The following GOLGA8B variants were observed in gnomAD, a reference collection of about 807,000 sequenced individuals.
GOLGA8B encodes golgin subfamily A member 8B.
Under a neutral mutation model 15.6 loss-of-function variants are expected in GOLGA8B, and 1 was observed. The ratio of observed to expected loss-of-function variants is 0.06; its 90% CI spans 0.02 to 0.30. The LOEUF is 0.30. Ranked by LOEUF, GOLGA8B falls within the 10% of genes least tolerant of loss-of-function variation. The probability of loss-of-function intolerance (pLI) is 1.00; values close to 1 mark genes in which losing one functional copy is unlikely to be tolerated. For missense variants in GOLGA8B, 17 were observed against 201.3 expected (o/e 0.08, Z 5.54); for synonymous variants, 9 against 80.3 (o/e 0.11, Z 4.75).
chr15:34,580,934 T>G (rs1346814805), intron 1 of GOLGA8B, among the ~76,000 whole-genome samples: 1 of 152,146 alleles, frequency 6.6e-6, no homozygotes, highest in East Asian at 1.9e-4. Flanking sequence ...GGTGAGGAAC[T>G]GAGACTGGGT....
intron 1 of GOLGA8B, among the ~76,000 whole-genome samples, chr15:34,567,381 G>C (rs573659991): frequency 6.6e-6 from 1 of 151,238 alleles, no homozygotes; most frequent in South Asian, 2.1e-4. Flanking sequence ...CACTTCCTTG[G>C]GCTGTGGCTG....
At position 34,526,026 on chromosome 15, in the gene GOLGA8B, T is replaced by A. The variant is rs1042816837; in HGVS notation, c.*1606A>T. 1.3e-5 allele frequency: 2 copies of A among 149,552 alleles called. No individual in the cohort carries two copies. Among genetic ancestry groups the A allele is most frequent in the African/African-American group, 5.0e-5 (2 of 40,384 alleles). The allele number at this position is 149,552 out of a possible 1,614,324, so 9.3% of individuals were successfully genotyped here. ...GATTCTTTCCCAAGCATCATCAAGT[T>A]ATGATTTAGGCAATGTATGATTGAA... On this transcript the variant is annotated 3_prime_UTR_variant, in exon 24 of 24. Coordinates refer to ENST00000683415, the MANE Select transcript of GOLGA8B (RefSeq NM_001023567.5).
intron 1 of GOLGA8B, among the ~76,000 whole-genome samples, chr15:34,575,452 A>G (rs954812571): frequency 6.6e-6 from 1 of 151,792 alleles, no homozygotes; most frequent in African/African-American, 2.4e-5. Context: ...TTGGTAAAAT[A>G]TGTGTTGTTA....
rs143150720 is a variant in GOLGA8B at position 34,569,554 on chromosome 15, C to T, written c.-1123+13962G>A. Among the ~76,000 whole-genome samples the T allele has an allele frequency of 7.8e-4, 119 of 151,776 alleles. No homozygotes were observed. The Middle Eastern group carries it at 0.01, about 13-fold the overall frequency. On this transcript the variant is annotated intron_variant, in intron 1 of 23. Coordinates refer to ENST00000683415, the MANE Select transcript of GOLGA8B (RefSeq NM_001023567.5). Reference sequence around the variant, plus strand: ...CACCCACCCATCAGTCCCAAGTCCCCGAGCATCAGTACCTTCATGCAAAAG... The same window carrying T: ...CACCCACCCATCAGTCCCAAGTCCCTGAGCATCAGTACCTTCATGCAAAAG...
intron 1 of GOLGA8B, among the ~76,000 whole-genome samples, chr15:34,572,904 G>C (rs28629906): frequency 0.39 from 58,408 of 150,896 alleles, 10,760 homozygotes; most frequent in Admixed American, 0.47. Context: ...AAAAATGGCA[G>C]CTTTCTTCTC....
chr15:34,556,348 CT>C, intron 1 of GOLGA8B: 1 of 472,942 alleles, frequency 2.1e-6, no homozygotes, highest in East Asian at 4.3e-5. Flanking sequence ...CAGGACTACC[CT>C]GATGGCCAAC....
chr15:34,564,833 C>G (rs1277916088), intron 1 of GOLGA8B, among the ~76,000 whole-genome samples: 1 of 144,122 alleles, frequency 6.9e-6, no homozygotes, highest in Admixed American at 6.8e-5. Context: ...GGAGGACTTC[C>G]TGTGTCATGC....
intron 1 of GOLGA8B, among the ~76,000 whole-genome samples, chr15:34,566,739 C>G (rs988121706): frequency 3.6e-5 from 5 of 140,458 alleles, no homozygotes; most frequent in Non-Finnish European, 6.4e-5. Context: ...CCTGCACTCA[C>G]GGGTCACTGC....
intron 1 of GOLGA8B, among the ~76,000 whole-genome samples, chr15:34,576,305 C>A (rs1300724011): frequency 6.6e-6 from 1 of 152,184 alleles, no homozygotes; most frequent in Admixed American, 6.5e-5. Flanking sequence ...GTCCTCAGTG[C>A]TGATTAAGCA....
chr15:34,577,806 C>A (rs1889123013), intron 1 of GOLGA8B, among the ~76,000 whole-genome samples: 1 of 152,182 alleles, frequency 6.6e-6, no homozygotes, highest in South Asian at 2.1e-4. Flanking sequence ...GTGCCCCTGT[C>A]TAGGGCACTT....
At chr15:34,559,362 T>A (rs1888565074) in intron 1 of GOLGA8B, among the ~76,000 whole-genome samples, 1 of 145,522 alleles carries the variant, frequency 6.9e-6, no homozygotes, top group Non-Finnish European at 1.5e-5. Flanking sequence ...AGTGTGAATG[T>A]ACTTAATGCC....
intron 1 of GOLGA8B, among the ~76,000 whole-genome samples, chr15:34,577,392 T>C (rs1205696930): frequency 6.6e-6 from 1 of 152,050 alleles, no homozygotes; most frequent in Non-Finnish European, 1.5e-5. Flanking sequence ...ACGATACTTG[T>C]TTATTAAATT....
At chr15:34,569,401 A>T (rs974866268) in intron 1 of GOLGA8B, among the ~76,000 whole-genome samples, 16 of 151,742 alleles carry the variant, frequency 1.1e-4, no homozygotes, top group Non-Finnish European at 1.9e-4. Flanking sequence ...GGCCTGGATC[A>T]CCTTCCTGGA....
intron 7 of GOLGA8B, among the ~76,000 whole-genome samples, chr15:34,542,938 C>CT (rs1341227486): frequency 9.8e-6 from 1 of 102,440 alleles, no homozygotes; most frequent in Non-Finnish European, 1.9e-5. Context: ...TTCCATTTCT[C>CT]TCACTTTCCA....
chr15:34,569,141 C>T (rs1595708790), intron 1 of GOLGA8B, among the ~76,000 whole-genome samples: 1 of 146,480 alleles, frequency 6.8e-6, no homozygotes. Context: ...CTGTGACACG[C>T]TGGCCGAGCT....
intron 1 of GOLGA8B, among the ~76,000 whole-genome samples, chr15:34,577,106 A>G: frequency 6.6e-6 from 1 of 151,914 alleles, no homozygotes. Flanking sequence ...AGTTCCTAAC[A>G]CATGCCTGGC....
At chr15:34,554,077 C>T (rs1342744226) in intron 1 of GOLGA8B, 121 bp from the exon 2 acceptor site, 1 of 141,360 alleles carries the variant, frequency 7.1e-6, no homozygotes, top group East Asian at 2.2e-4. Context: ...GTAGGACAGT[C>T]CCCACTTGGC....
At position 34,526,538 on chromosome 15, in the gene GOLGA8B, G is replaced by A. The variant is rs1888061100; in HGVS notation, c.*1094C>T. ...AGAGAGGAATGCCAGGTGTCACACA[G>A]CTTTCCTTCACTCTAATTCATTCTT... is the stretch of plus-strand genomic sequence containing the variant. On this transcript the variant is annotated 3_prime_UTR_variant, in exon 24 of 24. Transcript: ENST00000683415. 1 of 148,684 alleles carries A rather than the reference G, an allele frequency of 6.7e-6. No individual in the cohort carries two copies. Among genetic ancestry groups the A allele is most frequent in the African/African-American group, 2.5e-5 (1 of 40,122 alleles). 9.2% of individuals were successfully genotyped at this position (148,684 alleles called of 1,614,324 possible).
In GOLGA8B at chr15:34,572,421, A is replaced by G. The variant is rs140810466; in HGVS notation, c.-1123+11095T>C. 5.0e-3 allele frequency among the ~76,000 whole-genome samples: 758 copies of G among 152,380 alleles called. 1 individual carries two copies. Among genetic ancestry groups the G allele is most frequent in the Middle Eastern group, 0.01 (3 of 294 alleles). ...AAAAACGGAACCCAAAAGTTCAATAAGTAAACAGTCACATATTATGCAAGC... is the reference window on the plus strand; with the variant it reads ...AAAAACGGAACCCAAAAGTTCAATAGGTAAACAGTCACATATTATGCAAGC... On this transcript the variant is annotated intron_variant, in intron 1 of 23. Transcript: ENST00000683415.
Sources: allele counts gnomAD v4.1 joint callset (sites outside exome capture counted in the v4.1 genomes callset), GRCh38; gene constraint gnomAD v4.1.1; transcripts MANE v1.5; gene names NCBI Gene and HGNC (gene_info 2026-07-23, HGNC 2026-07-21).